Variants in TBC1D13 observed in about 807,000 individuals in gnomAD.
TBC1D13 encodes TBC1 domain family member 13, also known as epididymis secretory sperm binding protein.
In TBC1D13, 40 loss-of-function variants were observed where a neutral mutation model predicts 53.6. That is an observed-to-expected ratio of 0.75 (90% CI 0.58 to 0.97). TBC1D13 has a LOEUF of 0.97. Among genes scored for constraint, TBC1D13 ranks in the 50% least tolerant of loss-of-function variants. The pLI is 0.00. For synonymous variants in TBC1D13, 182 were observed against 197.7 expected, an observed-to-expected ratio of 0.92 and a Z score of 0.67; for missense variants, 377 against 499.4, an observed-to-expected ratio of 0.75 and a Z score of 2.34.
rs759787213 is a variant in TBC1D13 at position 128,790,196 on chromosome 9, G to T, written c.98-539G>T. Among the ~76,000 whole-genome samples the T allele has an allele frequency of 2.0e-5, 3 of 150,596 alleles. No individual in the cohort carries two copies. The South Asian group carries it at 6.3e-4, about 32-fold the overall frequency. On this transcript the variant is annotated intron_variant, in intron 2 of 11. Coordinates refer to ENST00000372648, the MANE Select transcript of TBC1D13 (RefSeq NM_018201.5). ...TAGTTAAACCGGGGAGGCGGAGGTT[G>T]CAGTGAGCAGAAATCACGCCATTGC...
At position 128,790,649 on chromosome 9, in the gene TBC1D13, A is replaced by G. The variant is rs1829514990; in HGVS notation, c.98-86A>G. The G allele has an allele frequency of 3.1e-6, 4 of 1,289,608 alleles. No homozygotes were observed. In the East Asian group the frequency reaches 8.3e-5, roughly 27 times the overall value. 79.9% of individuals were successfully genotyped at this position (1,289,608 alleles called of 1,614,324 possible). ...TGAAGAAGTACTTCTTGCCCACTCT[A>G]CTCCCCGCCAGTTGGCTCCACGGTG... is the stretch of plus-strand genomic sequence containing the variant. On this transcript the variant is annotated intron_variant, in intron 2 of 11. Transcript: ENST00000372648.
At position 128,791,639 on chromosome 9, in the gene TBC1D13, C is replaced by T. The variant is rs777851916; in HGVS notation, c.246C>T (p.Gly82=). ...QFLREMIIQP[G]IAKANMGVSR... ...TGAGGGAAATGATCATCCAGCCTGG[C>T]ATTGCCAAGGCCAACATGGGTGTGT... Residue 82 remains glycine, a synonymous_variant, in exon 5 of 12, where the codon GGC becomes GGT. Transcript: ENST00000372648. 2.5e-6 allele frequency: 4 copies of T among 1,614,236 alleles called. No individual in the cohort carries two copies. The South Asian group carries it at 3.3e-5, about 13-fold the overall frequency.
chr9:128,805,877 C>T lies in TBC1D13; in HGVS notation c.937C>T (p.Pro313Ser). ...TCCCCAGCAAGAGCAGAACATCAAG[C>T]CTCAGTTCTTTGCCTTCCGCTGGCT... ...YLKLQEQNIK[P>S]QFFAFRWLTL... Residue 313 changes from proline (P) to serine (S), a missense_variant, in exon 10 of 12, where the codon CCT becomes TCT. Pro to Ser is a moderately conservative substitution (Grantham distance 74). Transcript: ENST00000372648. 9 of 1,613,976 alleles carry T rather than the reference C, an allele frequency of 5.6e-6. No homozygotes were observed. The highest frequency in any genetic ancestry group is 6.8e-6 in the Non-Finnish European group (8 of 1,180,008).
rs1564428269 is a variant in TBC1D13 at position 128,808,407 on chromosome 9, C to CTGTGTGTG, written c.*528_*529insTGTGTGTG. ...GGGCCCAAGTCCCCAGGCATCTTCT[C>CTGTGTGTG]CGTGTGTGTGTGTGTGTGTGTGTGT... On this transcript the variant is annotated 3_prime_UTR_variant, in exon 12 of 12. Coordinates refer to ENST00000372648, the MANE Select transcript of TBC1D13 (RefSeq NM_018201.5). 1.0e-5 allele frequency: 1 copy of CTGTGTGTG among 96,414 alleles called. No individual in the cohort carries two copies. Among genetic ancestry groups the CTGTGTGTG allele is most frequent in the Admixed American group, 1.2e-4 (1 of 8,246 alleles). 6.0% of individuals were successfully genotyped at this position (96,414 alleles called of 1,614,324 possible).
chr9:128,808,016 T>G lies in TBC1D13; in HGVS notation c.*137T>G, dbSNP rs1173545047. On this transcript the variant is annotated 3_prime_UTR_variant, in exon 12 of 12. Transcript: ENST00000372648. ...GGCCCGAGACCCAGGCCATGCCCAC[T>G]GGGGACACACTGTGCCGTGCTCCTT... is the stretch of plus-strand genomic sequence containing the variant. 3 of 772,408 alleles carry G rather than the reference T, an allele frequency of 3.9e-6. No individual in the cohort carries two copies. Among genetic ancestry groups the G allele is most frequent in the Non-Finnish European group, 6.6e-6 (3 of 452,408 alleles). 47.8% of individuals were successfully genotyped at this position (772,408 alleles called of 1,614,324 possible). A position where few individuals can be genotyped will look rare whatever the true frequency, so the allele number is the denominator to read the frequency against.
intron 9 of TBC1D13, among the ~76,000 whole-genome samples, chr9:128,804,580 G>A (rs139339710): frequency 0.052 from 7,806 of 151,034 alleles, 228 homozygotes; most frequent in Middle Eastern, 0.087. Context: ...CTAATTTTTT[G>A]TATTTTTAGT....
chr9:128,807,904 C>G lies in TBC1D13; in HGVS notation c.*25C>G, dbSNP rs7862546. 1 allele frequency: 1,611,921 copies of G among 1,613,458 alleles called. 805,207 individuals are homozygous for G. Among genetic ancestry groups the G allele is most frequent in the East Asian group, 1 (44,872 of 44,872 alleles). On this transcript the variant is annotated 3_prime_UTR_variant, in exon 12 of 12. Coordinates refer to ENST00000372648, the MANE Select transcript of TBC1D13 (RefSeq NM_018201.5). ...GCCCGGCGGCAAGAGGCCCATGTTC[C>G]GGAGAGAAGCCTCCCGACCCTGTGC... is the stretch of plus-strand genomic sequence containing the variant.
rs530044137 is a variant in TBC1D13, at chr9:128,805,787, C to A, written c.919-72C>A. On this transcript the variant is annotated intron_variant, in intron 9 of 11. Transcript: ENST00000372648. The stretch of plus-strand genomic sequence containing the variant: ...CTGCTGTTCTGAATTCACTTCTGAC[C>A]CACTGCGTGGTGCTCCATGGCCGGC... The A allele has an allele frequency of 2.2e-4, 338 of 1,517,618 alleles. 3 individuals carry two copies. The South Asian group carries it at 3.9e-3, about 17-fold the overall frequency. 94.0% of individuals were successfully genotyped at this position (1,517,618 alleles called of 1,614,324 possible).
At chr9:128,788,295 A>G (rs370449501) in intron 1 of TBC1D13, 39 bp from the exon 2 acceptor site, 2 of 1,593,866 alleles carry the variant, frequency 1.3e-6, no homozygotes, top group Non-Finnish European at 1.7e-6. Flanking sequence ...CTGAGCCGAT[A>G]TCAGCATGCT....
At chr9:128,799,967 G>A (rs571699802) in intron 7 of TBC1D13, among the ~76,000 whole-genome samples, 30 of 152,350 alleles carry the variant, frequency 2.0e-4, no homozygotes, top group Admixed American at 1.5e-3. Flanking sequence ...CTTGCAGTGA[G>A]CCGAAATCGC....
Position 128,803,382 on chromosome 9 carries a change from G to A in TBC1D13, c.676G>A (p.Ala226Thr), listed in dbSNP as rs759494731. The A allele has an allele frequency of 2.3e-5, 37 of 1,614,204 alleles. No individual in the cohort carries two copies. The highest frequency in any genetic ancestry group is 2.6e-5 in the Non-Finnish European group (31 of 1,180,036). ...CTACGCCAAGCTCAACCCTGGCATC[G>A]CTTATGTGCAAGGCATGAATGAAAT... Reference protein sequence around the residue: ...FIYAKLNPGIAYVQGMNEIVG... With the variant: ...FIYAKLNPGITYVQGMNEIVG... The change falls in exon 8 of 12, where the codon GCT becomes ACT. Residue 226 changes from alanine to threonine, a missense_variant. Transcript: ENST00000372648.
intron 5 of TBC1D13, 100 bp from the exon 6 acceptor site, chr9:128,792,392 G>A: frequency 1.0e-6 from 1 of 984,472 alleles, no homozygotes; most frequent in Non-Finnish European, 1.6e-6. Context: ...AGTGTGCAGT[G>A]GGATTGTTGC....
At position 128,807,934 on chromosome 9, in the gene TBC1D13, G is replaced by A. The variant is rs1829867961; in HGVS notation, c.*55G>A. On this transcript the variant is annotated 3_prime_UTR_variant, in exon 12 of 12. Transcript: ENST00000372648. ...AGAAGCCTCCCGACCCTGTGCCCTGGCTCCCGGGACACATAGAAACCTGTA... is the reference window on the plus strand; with the variant it reads ...AGAAGCCTCCCGACCCTGTGCCCTGACTCCCGGGACACATAGAAACCTGTA... 1.3e-6 allele frequency: 2 copies of A among 1,567,544 alleles called. No homozygotes were observed. The highest frequency in any genetic ancestry group is 1.8e-6 in the Non-Finnish European group (2 of 1,138,800).
intron 7 of TBC1D13, among the ~76,000 whole-genome samples, chr9:128,800,864 G>GT (rs1829720300): frequency 6.6e-6 from 1 of 151,422 alleles, no homozygotes; most frequent in Admixed American, 6.6e-5. Flanking sequence ...GATCTCCTGA[G>GT]AATAAGGGCA....
At chr9:128,806,578 G>A (rs1829838347) in intron 11 of TBC1D13, among the ~76,000 whole-genome samples, 1 of 152,208 alleles carries the variant, frequency 6.6e-6, no homozygotes, top group Non-Finnish European at 1.5e-5. Context: ...CACAGCAGGT[G>A]CCCAGAACAT....
chr9:128,794,194 G>T (rs939052908), intron 6 of TBC1D13, among the ~76,000 whole-genome samples: 4 of 152,178 alleles, frequency 2.6e-5, no homozygotes, highest in Non-Finnish European at 5.9e-5. Flanking sequence ...TGTGGCCGGG[G>T]AAGAAGGCGC....
chr9:128,804,720 GTTTTTTTTTTTTT>G (rs1170366996), intron 9 of TBC1D13, among the ~76,000 whole-genome samples: 2 of 56,392 alleles, frequency 3.5e-5, no homozygotes, highest in Non-Finnish European at 6.0e-5. Context: ...TTTTTTTTCT[GTTTTTTTTTTTTT>G]TTTTTTTTTT....
intron 2 of TBC1D13, among the ~76,000 whole-genome samples, chr9:128,790,320 T>G (rs1055391079): frequency 4.7e-5 from 7 of 150,090 alleles, no homozygotes; most frequent in Non-Finnish European, 7.4e-5. Flanking sequence ...ACGCCTGTAA[T>G]CCTAACAGTT....
At chr9:128,794,072 A>G (rs4836629) in intron 6 of TBC1D13, among the ~76,000 whole-genome samples, 145,339 of 152,278 alleles carry the variant, frequency 0.95, 69,368 homozygotes, top group Non-Finnish European at 0.96. Flanking sequence ...CCTTTGGGGG[A>G]TCGAGGAAAG....
Sources: gnomAD v4.1 joint callset for allele counts (sites outside exome capture counted in the v4.1 genomes callset) on GRCh38, gnomAD v4.1.1 for gene constraint, MANE v1.5 for transcripts, NCBI Gene and HGNC (gene_info 2026-07-23, HGNC 2026-07-21) for gene names.